Variants in SAMMSON observed in about 807,000 individuals in gnomAD.
SAMMSON encodes the protein long intergenic non-protein coding RNA 1212.
At chr3:70,148,310 C>T (rs2067557290) in intron 4 of SAMMSON, among the ~76,000 whole-genome samples, 2 of 152,074 alleles carry the variant, frequency 1.3e-5, no homozygotes, top group South Asian at 4.1e-4. Context: ...AACAAGTTCA[C>T]ACAAGAAACT....
chr3:70,225,736 G>C (rs552260842), intron 4 of SAMMSON, among the ~76,000 whole-genome samples: 3 of 152,300 alleles, frequency 2.0e-5, no homozygotes, highest in Admixed American at 6.5e-5. Context: ...CGATAGTTTG[G>C]TGATAAGAAC....
At chr3:70,097,099 T>C (rs1426778024) in intron 4 of SAMMSON, among the ~76,000 whole-genome samples, 1 of 152,214 alleles carries the variant, frequency 6.6e-6, no homozygotes, top group Non-Finnish European at 1.5e-5. Context: ...GAATGAATAT[T>C]GGGTGCCACC....
chr3:70,325,291 A>T (rs1467570468), intron 7 of SAMMSON, among the ~76,000 whole-genome samples: 1 of 152,170 alleles, frequency 6.6e-6, no homozygotes, highest in Non-Finnish European at 1.5e-5. Flanking sequence ...GACCTGCCCC[A>T]AGTGAGTTGC....
intron 4 of SAMMSON, among the ~76,000 whole-genome samples, chr3:70,231,967 G>A (rs1701563813): frequency 6.6e-6 from 1 of 152,062 alleles, no homozygotes; most frequent in South Asian, 2.1e-4. Context: ...GTTCAGTGTT[G>A]GGAGCCCCCA....
chr3:70,125,521 A>C, intron 4 of SAMMSON: 1 of 702,624 alleles, frequency 1.4e-6, no homozygotes, highest in East Asian at 2.7e-5. Flanking sequence ...TAGGTTTGGG[A>C]AAGATTTTTC....
intron 6 of SAMMSON, among the ~76,000 whole-genome samples, chr3:70,250,409 T>TCACACACACACACACACACA (rs1491108341): frequency 7.9e-6 from 1 of 126,222 alleles, no homozygotes; most frequent in Non-Finnish European, 1.7e-5. Flanking sequence ...TTTTAATGAA[T>TCACACACACACACACACACA]CTCACACACA....
At chr3:70,088,709 T>C (rs1409501668) in intron 4 of SAMMSON, among the ~76,000 whole-genome samples, 1 of 152,158 alleles carries the variant, frequency 6.6e-6, no homozygotes, top group Non-Finnish European at 1.5e-5. Context: ...ATAATAGTTT[T>C]GTTGGGAATT....
chr3:70,377,253 G>A (rs890090688), intron 9 of SAMMSON, among the ~76,000 whole-genome samples: 3 of 152,106 alleles, frequency 2.0e-5, no homozygotes, highest in African/African-American at 7.2e-5. Context: ...TAGAAATTAA[G>A]ATCGGCTATA....
At chr3:70,125,930 G>A (rs139015743) in intron 4 of SAMMSON, 50 of 736,950 alleles carry the variant, frequency 6.8e-5, no homozygotes, top group African/African-American at 4.0e-4. Flanking sequence ...GGCCAAGGAG[G>A]TTCCTCAGGT....
chr3:70,203,966 A>G (rs1701266995), intron 4 of SAMMSON, among the ~76,000 whole-genome samples: 1 of 152,164 alleles, frequency 6.6e-6, no homozygotes, highest in African/African-American at 2.4e-5. Context: ...ATGAACCACA[A>G]TTTAGTAATA....
intron 4 of SAMMSON, among the ~76,000 whole-genome samples, chr3:70,235,422 A>T (rs1701598009): frequency 6.6e-6 from 1 of 152,206 alleles, no homozygotes; most frequent in Non-Finnish European, 1.5e-5. Flanking sequence ...CTCCTCGCAA[A>T]TTAAACTGAC....
At chr3:70,202,397 G>A (rs1701248602) in intron 4 of SAMMSON, among the ~76,000 whole-genome samples, 1 of 152,142 alleles carries the variant, frequency 6.6e-6, no homozygotes, top group African/African-American at 2.4e-5. Context: ...TAGTCTGGAG[G>A]GACAAAAGGA....
At chr3:70,094,518 A>T (rs541534579) in intron 4 of SAMMSON, 4 of 152,122 alleles carry the variant, frequency 2.6e-5, no homozygotes, top group Admixed American at 2.6e-4. Flanking sequence ...CCTCTCCCCA[A>T]TGTCTCAGTC....
At chr3:70,356,466 A>C (rs997250255) in intron 8 of SAMMSON, among the ~76,000 whole-genome samples, 1 of 152,080 alleles carries the variant, frequency 6.6e-6, no homozygotes, top group African/African-American at 2.4e-5. Context: ...TAAATAAATA[A>C]ATAATCGAAT....
intron 6 of SAMMSON, among the ~76,000 whole-genome samples, chr3:70,258,682 A>G (rs536408779): frequency 6.6e-6 from 1 of 152,298 alleles, no homozygotes; most frequent in South Asian, 2.1e-4. Flanking sequence ...TATGCAGTCA[A>G]AGCTTTATGT....
At chr3:70,044,677 C>G (rs1483163411) in intron 3 of SAMMSON, among the ~76,000 whole-genome samples, 1 of 151,738 alleles carries the variant, frequency 6.6e-6, no homozygotes, top group Non-Finnish European at 1.5e-5. Context: ...CTGTGTAACA[C>G]ACACATGCAC....
In SAMMSON at chr3:70,171,558, A is replaced by G. The variant is rs763878644; in HGVS notation, n.508-77549A>G. On this transcript the variant is annotated intron_variant and non_coding_transcript_variant, in intron 4 of 9. Coordinates refer to ENST00000642114, the Ensembl canonical transcript of SAMMSON. ...ATCTGAGTATAGTTTTGGCTGAAAT[A>G]ATTTTGAAAATGCATGAAAAAAATG... Among the ~76,000 whole-genome samples the G allele has an allele frequency of 5.9e-4, 89 of 151,882 alleles. 1 individual carries two copies. Among genetic ancestry groups the G allele is most frequent in the Non-Finnish European group, 2.2e-4 (15 of 67,906 alleles).
intron 7 of SAMMSON, among the ~76,000 whole-genome samples, chr3:70,296,352 G>T (rs562462284): frequency 2.0e-5 from 3 of 152,130 alleles, no homozygotes; most frequent in Admixed American, 1.3e-4. Flanking sequence ...CTCTTAACAT[G>T]ATACTTTCTT....
chr3:70,374,074 C>A (rs1015394873), intron 9 of SAMMSON, among the ~76,000 whole-genome samples: 22 of 152,098 alleles, frequency 1.4e-4, no homozygotes, highest in Admixed American at 1.4e-3. Context: ...GCCACCACAC[C>A]CAGCTAATTT....
Sources: gnomAD v4.1 joint callset for allele counts (sites outside exome capture counted in the v4.1 genomes callset) on GRCh38, gnomAD v4.1.1 for gene constraint, MANE v1.5 for transcripts, NCBI Gene and HGNC (gene_info 2026-07-23, HGNC 2026-07-21) for gene names.